The following PLIN4 variants were observed in gnomAD, a reference collection of about 807,000 sequenced individuals.
The protein encoded by PLIN4 is perilipin-4.
In PLIN4, 57 loss-of-function variants were observed where a neutral mutation model predicts 52.4. The observed-to-expected ratio is 1.09, with a 90% CI of 0.88 to 1.36. The LOEUF is 1.36. Ranked by LOEUF, PLIN4 falls within the 40% of genes most tolerant of loss-of-function variation. The probability of loss-of-function intolerance (pLI) is 0.00; values close to 1 mark genes in which losing one functional copy is unlikely to be tolerated. For synonymous variants in PLIN4, 826 were observed against 785.4 expected, an observed-to-expected ratio of 1.05 and a Z score of -0.86; for missense variants, 1,757 against 1,770.3, an observed-to-expected ratio of 0.99 and a Z score of 0.13.
Position 4,512,415 on chromosome 19 carries a change from C to G in PLIN4, c.1545G>C (p.Gly515=). Residue 515 remains glycine, a synonymous_variant, in exon 5 of 8, where the codon GGG becomes GGC. Transcript: ENST00000301286. ...GLTGAVNVAK[G]TVQTGVDTTK... ...TGGTGTCTACGCCGGTCTGGACGGTCCCTTTGGCCACGTTCACAGCCCCTG... is the reference window on the plus strand; with the variant it reads ...TGGTGTCTACGCCGGTCTGGACGGTGCCTTTGGCCACGTTCACAGCCCCTG... The G allele has an allele frequency of 6.2e-7, 1 of 1,604,076 alleles. No homozygotes were observed.
chr19:4,508,644 C>T (rs961000233), intron 6 of PLIN4, 124 bp downstream of exon 6: 10 of 1,093,610 alleles, frequency 9.1e-6, no homozygotes, highest in Non-Finnish European at 7.7e-6. Flanking sequence ...AGAGCCATGA[C>T]CATTGGTGAC....
rs374590722 is a variant in PLIN4 at position 4,513,692 on chromosome 19, C to T, written c.268G>A (p.Gly90Arg). Residue 90 changes from glycine to arginine, a missense_variant, in exon 5 of 8, where the codon GGG becomes AGG. Physicochemically the swap from Gly to Arg is moderately radical, Grantham distance 125. This residue lies in a region of PLIN4 where 332 missense variants were observed against 310.8 expected (regional missense o/e 1.07). Coordinates refer to ENST00000301286, the MANE Select transcript of PLIN4 (RefSeq NM_001367868.2). Reference sequence around the variant, plus strand: ...TTGGAACACACCAGGTCTTTGGCCCCGGACACCATCTGCTGAGAAAGGACA... The same window carrying T: ...TTGGAACACACCAGGTCTTTGGCCCTGGACACCATCTGCTGAGAAAGGACA... ...ELQPSEKMVSGAKDLVCSKMS... is the reference protein window; with the variant it reads ...ELQPSEKMVSRAKDLVCSKMS... 2.0e-5 allele frequency: 31 copies of T among 1,574,814 alleles called. No homozygotes were observed. Among genetic ancestry groups the T allele is most frequent in the African/African-American group, 1.6e-4 (12 of 74,084 alleles).
chr19:4,514,124 A>G (rs915938845), intron 4 of PLIN4, among the ~76,000 whole-genome samples: 1 of 152,156 alleles, frequency 6.6e-6, no homozygotes, highest in Non-Finnish European at 1.5e-5. Context: ...CTGGCGTCCC[A>G]GGGACACCAG....
intron 4 of PLIN4, among the ~76,000 whole-genome samples, chr19:4,513,939 C>T (rs192724805): frequency 3.5e-4 from 54 of 152,314 alleles, no homozygotes; most frequent in South Asian, 8.3e-4. Flanking sequence ...GAGCTCACAG[C>T]GCCAGCCTCT....
At chr19:4,517,457 G>A (rs1261708422) in intron 3 of PLIN4, 97 bp downstream of exon 3, 2 of 1,416,454 alleles carry the variant, frequency 1.4e-6, no homozygotes, top group East Asian at 2.5e-5. Flanking sequence ...AAATATGGAG[G>A]ACTCCCCAAA....
chr19:4,512,194 G>C lies in PLIN4; in HGVS notation c.1766C>G (p.Thr589Arg). 1 of 1,612,860 alleles carries C rather than the reference G, an allele frequency of 6.2e-7. No homozygotes were observed. Among genetic ancestry groups the C allele is most frequent in the Non-Finnish European group, 8.5e-7 (1 of 1,179,748 alleles). Residue 589 changes from threonine (T) to arginine (R), a missense_variant, in exon 5 of 8, where the codon ACA becomes AGA. By Grantham distance (71) the Thr-to-Arg change is moderately conservative. Transcript: ENST00000301286. ...AKGAVQTGVD[T>R]AKTVLTGTKD... ...GGTGCCGGTCAGCACGGTCTTGGCT[G>C]TGTCTACACCTGTCTGGACAGCCCC...
At position 4,512,755 on chromosome 19, in the gene PLIN4, G is replaced by C. The variant is rs761447514; in HGVS notation, c.1205C>G (p.Thr402Arg). 5 of 1,560,020 alleles carry C rather than the reference G, an allele frequency of 3.2e-6. No individual in the cohort carries two copies. In the South Asian group the frequency reaches 5.6e-5, roughly 17 times the overall value. Residue 402 changes from threonine to arginine, a missense_variant, in exon 5 of 8, where the codon ACG becomes AGG. Coordinates refer to ENST00000301286, the MANE Select transcript of PLIN4 (RefSeq NM_001367868.2). ...TGCCCCTGTGAGCCCAGTGGACATC[G>C]TGTCTTTCGTACCCATGACCATAGA... ...TKSMVMGTKD[T>R]MSTGLTGAAN...
chr19:4,518,294 A>G lies in PLIN4; in HGVS notation c.-17-5T>C. On this transcript the variant is annotated splice_polypyrimidine_tract_variant and splice_region_variant and intron_variant, in intron 1 of 7. Coordinates refer to ENST00000301286, the MANE Select transcript of PLIN4 (RefSeq NM_001367868.2). Reference sequence around the variant, plus strand: ...ACATAGTGAGAACGTGAGAAGCTGGAAGGGGGCAGAGAAGGTGCGTGAATG... The same window carrying G: ...ACATAGTGAGAACGTGAGAAGCTGGGAGGGGGCAGAGAAGGTGCGTGAATG... The G allele has an allele frequency of 8.1e-7, 1 of 1,232,630 alleles. No homozygotes were observed. The highest frequency in any genetic ancestry group is 1.0e-6 in the Non-Finnish European group (1 of 988,440). The allele number at this position is 1,232,630 out of a possible 1,614,324, so 76.4% of individuals were successfully genotyped here.
Position 4,504,547 on chromosome 19 carries a change from C to T in PLIN4, c.4028G>A (p.Gly1343Glu), listed in dbSNP as rs567719914. 2 of 1,606,230 alleles carry T rather than the reference C, an allele frequency of 1.2e-6. No homozygotes were observed. The highest frequency in any genetic ancestry group is 1.7e-6 in the Non-Finnish European group (2 of 1,178,156). The change falls in exon 8 of 8, where the codon GGG becomes GAG. Residue 1343 changes from glycine to glutamate, a missense_variant. By Grantham distance (98) the Gly-to-Glu change is moderately conservative. Transcript: ENST00000301286. ...SREGVHQAWQGLEQLLEGLQH... is the reference protein window; with the variant it reads ...SREGVHQAWQELEQLLEGLQH... Reference sequence around the variant, plus strand: ...TAGGCCCTCCAGCAGCTGCTCTAACCCCTGCCAAGCCTGGTGCACACCCTC... The same window carrying T: ...TAGGCCCTCCAGCAGCTGCTCTAACTCCTGCCAAGCCTGGTGCACACCCTC...
intron 3 of PLIN4, among the ~76,000 whole-genome samples, chr19:4,517,260 C>T (rs562725072): frequency 6.6e-6 from 1 of 152,280 alleles, no homozygotes; most frequent in South Asian, 2.1e-4. Flanking sequence ...GCAGAGCACC[C>T]AGCCTGGGCC....
chr19:4,512,683 TG>T lies in PLIN4; in HGVS notation c.1276del (p.Gln426LysfsTer15), dbSNP rs1568234410. On this transcript the variant is annotated frameshift_variant, in exon 5 of 8. Coordinates refer to ENST00000301286, the MANE Select transcript of PLIN4 (RefSeq NM_001367868.2). LOFTEE classifies it high-confidence loss of function. ...GAMQTGLNTT[Q>X]NIATGTKDTV... ...GTCCTTTGTACCTGTTGCGATATTT[TG>T]GGTTGTGTTCAGCCCAGTTTGCATG... The T allele has an allele frequency of 1.3e-6, 2 of 1,554,704 alleles. No individual in the cohort carries two copies. The highest frequency in any genetic ancestry group is 1.7e-5 in the Admixed American group (1 of 57,802).
At position 4,502,497 on chromosome 19, in the gene PLIN4, T is replaced by G. The variant is rs1975947527; in HGVS notation, c.*1962A>C. The stretch of plus-strand genomic sequence containing the variant: ...CCACGAGGCTGGGGGGTTTGATGCT[T>G]CCTGCATCTGGCAGCCCAGGGTCCA... On this transcript the variant is annotated 3_prime_UTR_variant, in exon 8 of 8. Coordinates refer to ENST00000301286, the MANE Select transcript of PLIN4 (RefSeq NM_001367868.2). The G allele has an allele frequency of 3.6e-6, 1 of 275,782 alleles. No individual in the cohort carries two copies. The highest frequency in any genetic ancestry group is 2.4e-5 in the African/African-American group (1 of 42,438). 17.1% of individuals were successfully genotyped at this position (275,782 alleles called of 1,614,324 possible).
At chr19:4,516,778 G>T in intron 3 of PLIN4, 100 bp from the exon 4 acceptor site, 1 of 1,231,222 alleles carries the variant, frequency 8.1e-7, no homozygotes, top group Non-Finnish European at 1.1e-6. Context: ...TAAAAGGTCA[G>T]GAATGTTTCA....
At position 4,504,543 on chromosome 19, in the gene PLIN4, T is replaced by C; in HGVS notation, c.4032A>G (p.Leu1344=). The change falls in exon 8 of 8, where the codon TTA becomes TTG. Residue 1344 remains leucine (L), a synonymous_variant. Transcript: ENST00000301286. ...GCTGTAGGCCCTCCAGCAGCTGCTC[T>C]AACCCCTGCCAAGCCTGGTGCACAC... The part of the protein sequence containing the change: ...REGVHQAWQG[L]EQLLEGLQHN... The C allele has an allele frequency of 6.2e-7, 1 of 1,606,610 alleles. No homozygotes were observed.
intron 6 of PLIN4, among the ~76,000 whole-genome samples, 180 bp from the exon 7 acceptor site, chr19:4,505,127 C>CT (rs1162628880): frequency 5.9e-5 from 9 of 152,194 alleles, no homozygotes; most frequent in African/African-American, 2.2e-4. Flanking sequence ...ATAGTTCAAA[C>CT]TTCCCCATGA....
At chr19:4,509,325 AGT>A (rs1438530847) in intron 5 of PLIN4, among the ~76,000 whole-genome samples, 31 of 143,956 alleles carry the variant, frequency 2.2e-4, no homozygotes, top group Non-Finnish European at 3.4e-4. Flanking sequence ...AAAAAAAAAA[AGT>A]TAAGTGAGGC....
In PLIN4 at chr19:4,512,234, C is replaced by G. The variant is rs552086639; in HGVS notation, c.1726G>C (p.Ala576Pro). 6.2e-6 allele frequency: 10 copies of G among 1,613,096 alleles called. No individual in the cohort carries two copies. In the South Asian group the frequency reaches 1.1e-4, roughly 18 times the overall value. Residue 576 changes from alanine (A) to proline (P), a missense_variant, in exon 5 of 8, where the codon GCG becomes CCG. Transcript: ENST00000301286. ...DTMSTGLTGA[A>P]NVAKGAVQTG... ...TGGACAGCCCCCTTGGCCACATTCG[C>G]TGCCCCCGTGAGCCCAGTGGACATC... is the stretch of plus-strand genomic sequence containing the variant.
chr19:4,506,507 G>A (rs1338460065), intron 6 of PLIN4, among the ~76,000 whole-genome samples: 1 of 152,142 alleles, frequency 6.6e-6, no homozygotes, highest in African/African-American at 2.4e-5. Flanking sequence ...TCTGTGAATT[G>A]TCTTCCCCAA....
rs35912429 is a variant in PLIN4 at position 4,503,314 on chromosome 19, C to G, written c.*1145G>C. 1 of 152,444 alleles carries G rather than the reference C, an allele frequency of 6.6e-6. No homozygotes were observed. The highest frequency in any genetic ancestry group is 1.5e-5 in the Non-Finnish European group (1 of 68,224). 9.4% of individuals were successfully genotyped at this position (152,444 alleles called of 1,614,324 possible). On this transcript the variant is annotated 3_prime_UTR_variant, in exon 8 of 8. Coordinates refer to ENST00000301286, the MANE Select transcript of PLIN4 (RefSeq NM_001367868.2). ...GGCCGGGCTGAACGGCTCCTCCCCG[C>G]TGGACTGAGCGCAGCCACGGCACGT...
Sources: gnomAD v4.1 joint callset for allele counts (sites outside exome capture counted in the v4.1 genomes callset) on GRCh38, gnomAD v4.1.1 for gene constraint, gnomAD v4.1.1 regional missense constraint, MANE v1.5 for transcripts, NCBI Gene and HGNC (gene_info 2026-07-23, HGNC 2026-07-21) for gene names.